Variants in PPM1H observed in about 807,000 individuals in gnomAD.
The protein encoded by PPM1H is protein phosphatase 1H.
PPM1H carries 27 observed loss-of-function variants against 54.9 expected under a neutral mutation model. That is an observed-to-expected ratio of 0.49 (90% CI 0.36 to 0.68). The LOEUF (loss-of-function observed/expected upper bound fraction) is 0.68, where lower values mean the gene tolerates loss of function less well. Among genes scored for constraint, PPM1H ranks in the 30% least tolerant of loss-of-function variants. PPM1H has a pLI of 0.00. For missense variants in PPM1H, 596 were observed against 667.8 expected (o/e 0.89, Z 1.19); for synonymous variants, 305 against 270.8 (o/e 1.13, Z -1.24).
intron 1 of PPM1H, among the ~76,000 whole-genome samples, chr12:62,856,320 C>G (rs565444567): frequency 1.3e-5 from 2 of 152,310 alleles, no homozygotes; most frequent in Admixed American, 1.3e-4. Context: ...CTCTAATGAG[C>G]ATAAGTTAAA....
chr12:62,745,755 C>T (rs562764636), intron 4 of PPM1H, among the ~76,000 whole-genome samples: 3 of 152,160 alleles, frequency 2.0e-5, no homozygotes, highest in South Asian at 2.1e-4. Context: ...ATGGAAAGGA[C>T]CCAGAAAAAT....
intron 4 of PPM1H, among the ~76,000 whole-genome samples, chr12:62,770,730 G>C (rs746299862): frequency 6.6e-6 from 1 of 152,178 alleles, no homozygotes; most frequent in Non-Finnish European, 1.5e-5. Flanking sequence ...AGCAAAACAG[G>C]AGTGAAAAGC....
intron 2 of PPM1H, 33 bp from the exon 3 acceptor site, chr12:62,802,193 C>A (rs112617037): frequency 6.7e-7 from 1 of 1,496,012 alleles, no homozygotes; most frequent in South Asian, 1.3e-5. Context: ...GGAGTGAGAA[C>A]GGCTGTGGAC....
At chr12:62,760,442 T>C (rs528689638) in intron 4 of PPM1H, among the ~76,000 whole-genome samples, 33 of 152,260 alleles carry the variant, frequency 2.2e-4, no homozygotes, top group African/African-American at 7.7e-4. Context: ...CCCTGCCAGG[T>C]TGAATCAGGC....
chr12:62,753,521 C>A (rs749923931), intron 4 of PPM1H, among the ~76,000 whole-genome samples: 1 of 152,192 alleles, frequency 6.6e-6, no homozygotes, highest in African/African-American at 2.4e-5. Flanking sequence ...GATTCAGGGA[C>A]GGAAGCATTT....
chr12:62,872,658 A>G (rs1288503306), intron 1 of PPM1H, among the ~76,000 whole-genome samples: 1 of 152,232 alleles, frequency 6.6e-6, no homozygotes, highest in Non-Finnish European at 1.5e-5. Flanking sequence ...CCATGCAAAC[A>G]TGGTAAGAGT....
At chr12:62,878,626 T>TAA (rs34587900) in intron 1 of PPM1H, among the ~76,000 whole-genome samples, 11,342 of 81,544 alleles carry the variant, frequency 0.14, 2,011 homozygotes, top group African/African-American at 0.17. Flanking sequence ...TGATTACGCT[T>TAA]AAAAAAAAAA....
intron 4 of PPM1H, among the ~76,000 whole-genome samples, chr12:62,758,395 C>T (rs2076487907): frequency 6.6e-6 from 1 of 152,200 alleles, no homozygotes; most frequent in African/African-American, 2.4e-5. Flanking sequence ...AGGTCCCTGC[C>T]TGTGTGGGGT....
At chr12:62,721,446 A>G (rs990876627) in intron 5 of PPM1H, among the ~76,000 whole-genome samples, 2 of 152,174 alleles carry the variant, frequency 1.3e-5, no homozygotes, top group South Asian at 4.1e-4. Flanking sequence ...ACTGAGGGTG[A>G]GCAGGAGAAC....
intron 1 of PPM1H, among the ~76,000 whole-genome samples, chr12:62,930,732 T>C (rs1333709056): frequency 6.6e-6 from 1 of 152,262 alleles, no homozygotes; most frequent in Non-Finnish European, 1.5e-5. Flanking sequence ...CCAAGGGCTT[T>C]ATCAAATGAG....
At chr12:62,843,033 A>T (rs981422382) in intron 1 of PPM1H, among the ~76,000 whole-genome samples, 16 of 152,334 alleles carry the variant, frequency 1.1e-4, no homozygotes, top group African/African-American at 3.8e-4. Flanking sequence ...AGTGTTTCAT[A>T]GGCTGGGCAT....
At chr12:62,673,796 G>C (rs1379450179) in intron 8 of PPM1H, among the ~76,000 whole-genome samples, 1 of 135,444 alleles carries the variant, frequency 7.4e-6, no homozygotes, top group Non-Finnish European at 1.5e-5. Context: ...CACAATTCTG[G>C]CTCACTGCAG....
At position 62,930,458 on chromosome 12, in the gene PPM1H, C is replaced by T. The variant is rs183236282; in HGVS notation, c.245+4034G>A. Among the ~76,000 whole-genome samples, 737 of 152,320 alleles carry T rather than the reference C, an allele frequency of 4.8e-3. 7 individuals are homozygous for T. The highest frequency in any genetic ancestry group is 0.017 in the African/African-American group (710 of 41,560). On this transcript the variant is annotated intron_variant, in intron 1 of 9. Transcript: ENST00000228705. ...TAAAAACCTGAATATGATGCATTAA[C>T]ATACACAATATTGTTGCTCAAAACC...
intron 1 of PPM1H, among the ~76,000 whole-genome samples, chr12:62,859,634 T>A (rs1869525630): frequency 6.6e-6 from 1 of 152,202 alleles, no homozygotes. Flanking sequence ...TATGGAACAA[T>A]CACATATGCA....
In PPM1H at chr12:62,788,295, C is replaced by A; in HGVS notation, c.800G>T (p.Gly267Val). ...AATCACAATGAGGGCCGTGCAGCCA[C>A]CAGATATATTATATGAACTCCTCTC... Reference protein sequence around the residue: ...ERERSSYNISGGCTALIVICL... With the variant: ...ERERSSYNISVGCTALIVICL... The change falls in exon 4 of 10, where the codon GGT becomes GTT. Residue 267 changes from glycine (G) to valine (V), a missense_variant. By Grantham distance (109) the Gly-to-Val change is moderately radical (BLOSUM62 -3). Coordinates refer to ENST00000228705, the MANE Select transcript of PPM1H (RefSeq NM_020700.2). 1 of 1,593,276 alleles carries A rather than the reference C, an allele frequency of 6.3e-7. No individual in the cohort carries two copies.
intron 9 of PPM1H, among the ~76,000 whole-genome samples, chr12:62,649,912 TA>T (rs1565744248): frequency 6.6e-6 from 1 of 152,220 alleles, no homozygotes; most frequent in South Asian, 2.1e-4. Flanking sequence ...GCCAGACTGG[TA>T]AATCATCAAG....
intron 4 of PPM1H, among the ~76,000 whole-genome samples, chr12:62,772,938 A>C (rs2076588034): frequency 1.3e-5 from 2 of 151,804 alleles, no homozygotes; most frequent in South Asian, 4.2e-4. Context: ...TCACGAGGTC[A>C]AGAGATCGGG....
At chr12:62,793,162 C>T (rs1291939518) in intron 3 of PPM1H, among the ~76,000 whole-genome samples, 3 of 152,102 alleles carry the variant, frequency 2.0e-5, no homozygotes, top group Admixed American at 6.6e-5. Context: ...AAAACACATG[C>T]ATATACTATC....
intron 1 of PPM1H, among the ~76,000 whole-genome samples, chr12:62,836,044 C>T (rs1432624952): frequency 2.0e-5 from 3 of 152,188 alleles, no homozygotes; most frequent in African/African-American, 4.8e-5. Flanking sequence ...CACTCCATTG[C>T]TGTATGCTCC....
Sources: gnomAD v4.1 joint callset for allele counts (sites outside exome capture counted in the v4.1 genomes callset) on GRCh38, gnomAD v4.1.1 for gene constraint, MANE v1.5 for transcripts, NCBI Gene and HGNC (gene_info 2026-07-23, HGNC 2026-07-21) for gene names.